Variants in SEMA3E observed in about 807,000 individuals in gnomAD.
The protein encoded by SEMA3E is semaphorin-3E.
In SEMA3E, 49 loss-of-function variants were observed where a neutral mutation model predicts 93.6. The observed-to-expected ratio is 0.52, with a 90% CI of 0.42 to 0.66. The LOEUF is 0.66. Ranked by LOEUF, SEMA3E falls within the 30% of genes least tolerant of loss-of-function variation. The pLI, the probability that SEMA3E is intolerant of heterozygous loss-of-function variation, is 0.00. For missense variants in SEMA3E, 906 were observed against 964.8 expected (o/e 0.94, Z 0.81); for synonymous variants, 363 against 330.7 (o/e 1.10, Z -1.06).
At chr7:83,394,903 C>T (rs1299594796) in intron 12 of SEMA3E, among the ~76,000 whole-genome samples, 1 of 152,062 alleles carries the variant, frequency 6.6e-6, no homozygotes, top group Non-Finnish European at 1.5e-5. Flanking sequence ...GCTTTGGGAA[C>T]CAACATGTTG....
intron 1 of SEMA3E, among the ~76,000 whole-genome samples, chr7:83,635,543 A>C (rs910700318): frequency 6.7e-6 from 1 of 149,138 alleles, no homozygotes; most frequent in Non-Finnish European, 1.5e-5. Context: ...CATTGTATTT[A>C]ATTAATTATA....
chr7:83,427,042 T>A (rs1788786304), intron 4 of SEMA3E, among the ~76,000 whole-genome samples: 1 of 152,094 alleles, frequency 6.6e-6, no homozygotes, highest in African/African-American at 2.4e-5. Context: ...AATCAAAGAT[T>A]GAAATATAAA....
intron 1 of SEMA3E, among the ~76,000 whole-genome samples, chr7:83,640,483 C>A (rs544454018): frequency 1.3e-5 from 2 of 152,302 alleles, no homozygotes; most frequent in South Asian, 4.1e-4. Flanking sequence ...AGAGCATCAG[C>A]TTCCCAGCGG....
At chr7:83,408,196 A>G (rs1464762985) in intron 6 of SEMA3E, among the ~76,000 whole-genome samples, 172 bp downstream of exon 6, 2 of 152,226 alleles carry the variant, frequency 1.3e-5, no homozygotes, top group East Asian at 3.8e-4. Context: ...ATAGAAAATG[A>G]TGTACATATA....
intron 1 of SEMA3E, among the ~76,000 whole-genome samples, chr7:83,506,549 A>G (rs1790709529): frequency 6.6e-6 from 1 of 152,162 alleles, no homozygotes; most frequent in South Asian, 2.1e-4. Context: ...AGTATTTGAT[A>G]GCACAGCATG....
intron 1 of SEMA3E, among the ~76,000 whole-genome samples, chr7:83,599,693 T>C (rs1792943190): frequency 6.6e-6 from 1 of 152,142 alleles, no homozygotes; most frequent in Non-Finnish European, 1.5e-5. Flanking sequence ...TCATTAGAAC[T>C]ACAGAATGGT....
At chr7:83,414,634 A>G (rs1324618052) in intron 5 of SEMA3E, among the ~76,000 whole-genome samples, 1 of 152,144 alleles carries the variant, frequency 6.6e-6, no homozygotes, top group Non-Finnish European at 1.5e-5. Flanking sequence ...TTAAAATAAA[A>G]TTCATGGACT....
intron 1 of SEMA3E, among the ~76,000 whole-genome samples, chr7:83,623,702 T>G (rs556451663): frequency 4.6e-5 from 7 of 152,282 alleles, no homozygotes; most frequent in Admixed American, 1.3e-4. Context: ...TATTCCTTAC[T>G]TACCTGAGAT....
At chr7:83,532,648 T>G (rs1791324385) in intron 1 of SEMA3E, among the ~76,000 whole-genome samples, 1 of 151,998 alleles carries the variant, frequency 6.6e-6, no homozygotes, top group African/African-American at 2.4e-5. Flanking sequence ...TCTTTCTGAC[T>G]TATTCTCTCA....
chr7:83,381,385 T>C (rs1787774512), intron 16 of SEMA3E, among the ~76,000 whole-genome samples: 1 of 152,000 alleles, frequency 6.6e-6, no homozygotes, highest in South Asian at 2.1e-4. Flanking sequence ...GTTCCCATTG[T>C]CCAGAAAGTT....
chr7:83,470,840 A>T lies in SEMA3E; in HGVS notation c.277-1538T>A, dbSNP rs189060785. Among the ~76,000 whole-genome samples the T allele has an allele frequency of 6.6e-4, 97 of 145,970 alleles. 1 individual carries two copies. Among genetic ancestry groups the T allele is most frequent in the African/African-American group, 2.2e-3 (90 of 40,136 alleles). On this transcript the variant is annotated intron_variant, in intron 2 of 16. Coordinates refer to ENST00000643230, the MANE Select transcript of SEMA3E (RefSeq NM_012431.3). Reference sequence around the variant, plus strand: ...TGTTTCTGAGTGTTTTGTAATGTTAAGGTGTGGTTCCCCCACATTTTCTTT... The same window carrying T: ...TGTTTCTGAGTGTTTTGTAATGTTATGGTGTGGTTCCCCCACATTTTCTTT...
chr7:83,633,381 C>T (rs1793823967), intron 1 of SEMA3E, among the ~76,000 whole-genome samples: 1 of 152,098 alleles, frequency 6.6e-6, no homozygotes, highest in Non-Finnish European at 1.5e-5. Context: ...GGTTAAGTAA[C>T]ATGTCCAAGA....
At chr7:83,524,122 A>G (rs1016635823) in intron 1 of SEMA3E, among the ~76,000 whole-genome samples, 1 of 152,112 alleles carries the variant, frequency 6.6e-6, no homozygotes, top group African/African-American at 2.4e-5. Context: ...TTGAGCAAAA[A>G]TTACATTTTG....
At chr7:83,573,423 A>G (rs1001506168) in intron 1 of SEMA3E, among the ~76,000 whole-genome samples, 4 of 152,120 alleles carry the variant, frequency 2.6e-5, no homozygotes, top group Non-Finnish European at 5.9e-5. Flanking sequence ...GTAAATATAT[A>G]CAAATGTATA....
chr7:83,377,016 T>C (rs1470049335), intron 16 of SEMA3E, among the ~76,000 whole-genome samples: 1 of 152,038 alleles, frequency 6.6e-6, no homozygotes, highest in South Asian at 2.1e-4. Context: ...ATATTTTATG[T>C]GTCTTGAGTT....
chr7:83,535,400 T>C (rs1239676631), intron 1 of SEMA3E, among the ~76,000 whole-genome samples: 1 of 78,592 alleles, frequency 1.3e-5, no homozygotes, highest in Non-Finnish European at 3.1e-5. Flanking sequence ...TTTTAAAAAG[T>C]TACTTTTTTT....
At chr7:83,475,720 CTG>C (rs1789995950) in intron 2 of SEMA3E, among the ~76,000 whole-genome samples, 1 of 152,182 alleles carries the variant, frequency 6.6e-6, no homozygotes, top group Non-Finnish European at 1.5e-5. Context: ...ATCTATGTAA[CTG>C]TGACAGGCTA....
chr7:83,624,569 TG>T (rs1263969920), intron 1 of SEMA3E, among the ~76,000 whole-genome samples: 4 of 151,966 alleles, frequency 2.6e-5, no homozygotes, highest in Non-Finnish European at 5.9e-5. Context: ...TTGATGGGGT[TG>T]TTTTTTTATT....
Position 83,407,130 on chromosome 7 carries a change from G to C in SEMA3E, c.780C>G (p.His260Gln), listed in dbSNP as rs533306215. 1 of 1,613,522 alleles carries C rather than the reference G, an allele frequency of 6.2e-7. No individual in the cohort carries two copies. The highest frequency in any genetic ancestry group is 8.5e-7 in the Non-Finnish European group (1 of 1,179,746). The stretch of plus-strand genomic sequence containing the variant: ...GTCGCCCGACCCTGGTGTAAATTGC[G>C]TGAGCATTGTTTTCTGCCTCCAGTG... Reference protein sequence around the residue: ...EKALEAENNAHAIYTRVGRLC... With the variant: ...EKALEAENNAQAIYTRVGRLC... The change falls in exon 7 of 17, where the codon CAC becomes CAG. Residue 260 changes from histidine to glutamine, a missense_variant. By Grantham distance (24) the His-to-Gln change is conservative. Coordinates refer to ENST00000643230, the MANE Select transcript of SEMA3E (RefSeq NM_012431.3).
Sources: gnomAD v4.1 joint callset for allele counts (sites outside exome capture counted in the v4.1 genomes callset) on GRCh38, gnomAD v4.1.1 for gene constraint, MANE v1.5 for transcripts, NCBI Gene and HGNC (gene_info 2026-07-23, HGNC 2026-07-21) for gene names.